Variants in NARF observed in about 807,000 individuals in gnomAD.
The protein encoded by NARF is iron-only hydrogenase-like protein 2.
A neutral mutation model predicts 48.0 loss-of-function variants in NARF; 41 were observed. The ratio of observed to expected loss-of-function variants is 0.85; its 90% confidence interval spans 0.66 to 1.11. The LOEUF (loss-of-function observed/expected upper bound fraction) is 1.11. Among genes scored for constraint, NARF ranks in the 50% least tolerant of loss-of-function variants. The probability of loss-of-function intolerance (pLI) is 0.00; values close to 1 mark genes in which losing one functional copy is unlikely to be tolerated. For synonymous variants in NARF, 215 were observed against 225.5 expected, an observed-to-expected ratio of 0.95 and a Z score of 0.42; for missense variants, 613 against 590.2, an observed-to-expected ratio of 1.04 and a Z score of -0.40.
intron 4 of NARF, among the ~76,000 whole-genome samples, chr17:82,469,987 T>A (rs1402660992): frequency 6.6e-6 from 1 of 152,062 alleles, no homozygotes; most frequent in African/African-American, 2.4e-5. Flanking sequence ...ATCCCAGCAC[T>A]TTGGAAGGCC....
Position 82,472,612 on chromosome 17 carries a change from T to C in NARF, c.434T>C (p.Leu145Pro). 1 of 1,613,746 alleles carries C rather than the reference T, an allele frequency of 6.2e-7. No individual in the cohort carries two copies. Among genetic ancestry groups the C allele is most frequent in the Non-Finnish European group, 8.5e-7 (1 of 1,179,844 alleles). ...ACGATAGCTGCGGATTTTAGTATCC[T>C]GGAGAGTCAAAAAGAATTCGTGCGT... is the stretch of plus-strand genomic sequence containing the variant. Reference protein sequence around the residue: ...DTTIAADFSILESQKEFVRRY... With the variant: ...DTTIAADFSIPESQKEFVRRY... Residue 145 changes from leucine (L) to proline (P), a missense_variant, in exon 5 of 11, where the codon CTG becomes CCG. Coordinates refer to ENST00000309794, the MANE Select transcript of NARF (RefSeq NM_012336.4).
chr17:82,461,503 C>T (rs2043437801), intron 2 of NARF, among the ~76,000 whole-genome samples: 1 of 152,128 alleles, frequency 6.6e-6, no homozygotes, highest in Admixed American at 6.5e-5. Flanking sequence ...CCCAGCTACT[C>T]AGGAGCCTGA....
chr17:82,475,594 A>G (rs550563372), intron 5 of NARF, among the ~76,000 whole-genome samples: 1 of 152,108 alleles, frequency 6.6e-6, no homozygotes, highest in African/African-American at 2.4e-5. Flanking sequence ...AACCCTGTCA[A>G]TCATACATAT....
At chr17:82,473,404 T>C (rs1447141891) in intron 5 of NARF, among the ~76,000 whole-genome samples, 1 of 150,194 alleles carries the variant, frequency 6.7e-6, no homozygotes. Flanking sequence ...AAGCGATTCT[T>C]TTTTTTTTGT....
chr17:82,489,055 C>T lies in NARF; in HGVS notation c.*898C>T, dbSNP rs1226764170. Reference sequence around the variant, plus strand: ...CTGTCAGCCTTTTAGAATCAGGAGACTTACGTACAAATCTGGATTTTCAGC... The same window carrying T: ...CTGTCAGCCTTTTAGAATCAGGAGATTTACGTACAAATCTGGATTTTCAGC... On this transcript the variant is annotated 3_prime_UTR_variant, in exon 11 of 11. Transcript: ENST00000309794. 6.5e-6 allele frequency: 1 copy of T among 153,310 alleles called. No homozygotes were observed. Among genetic ancestry groups the T allele is most frequent in the Non-Finnish European group, 1.5e-5 (1 of 68,568 alleles). 9.5% of individuals were successfully genotyped at this position (153,310 alleles called of 1,614,324 possible).
chr17:82,468,580 A>C (rs1301167974), intron 3 of NARF, 184 bp from the exon 4 acceptor site: 7 of 600,074 alleles, frequency 1.2e-5, no homozygotes, highest in Non-Finnish European at 1.9e-5. Flanking sequence ...CCAGAAGCCC[A>C]AACCTCACCA....
At chr17:82,470,643 C>T (rs1399196849) in intron 4 of NARF, among the ~76,000 whole-genome samples, 4 of 151,948 alleles carry the variant, frequency 2.6e-5, no homozygotes, top group Admixed American at 6.6e-5. Context: ...TACAGGCGCC[C>T]GCCACCACGC....
intron 6 of NARF, 61 bp downstream of exon 6, chr17:82,478,979 C>A: frequency 6.7e-7 from 1 of 1,499,480 alleles, no homozygotes; most frequent in Non-Finnish European, 9.1e-7. Flanking sequence ...GCACAGGGGC[C>A]CAGGAAGGGG....
rs150160796 is a variant in NARF at position 82,487,574 on chromosome 17, T to G, written c.1130-342T>G. 4.0e-3 allele frequency among the ~76,000 whole-genome samples: 602 copies of G among 152,182 alleles called. 7 individuals are homozygous for G. The highest frequency in any genetic ancestry group is 0.017 in the Middle Eastern group (5 of 290). On this transcript the variant is annotated intron_variant, in intron 10 of 10. Transcript: ENST00000309794. ...AGCCTTGAGGAAGACCCTGGCCTGTTCAGCCAGCCCTAGCCTTAGGCCACA... is the reference window on the plus strand; with the variant it reads ...AGCCTTGAGGAAGACCCTGGCCTGTGCAGCCAGCCCTAGCCTTAGGCCACA...
chr17:82,476,431 T>G (rs1160567297), intron 5 of NARF, among the ~76,000 whole-genome samples: 2 of 151,084 alleles, frequency 1.3e-5, no homozygotes, highest in Non-Finnish European at 3.0e-5. Context: ...AGTGAGCCAC[T>G]GTGCCCAGCT....
chr17:82,458,950 G>A (rs2043357636), intron 1 of NARF, 120 bp downstream of exon 1: 2 of 1,226,136 alleles, frequency 1.6e-6, no homozygotes, highest in Non-Finnish European at 2.0e-6. Context: ...AGGCGCCCCC[G>A]GCCTCGGCAC....
intron 5 of NARF, 114 bp downstream of exon 5, chr17:82,472,812 A>G: frequency 7.6e-7 from 1 of 1,318,470 alleles, no homozygotes; most frequent in Non-Finnish European, 1.0e-6. Flanking sequence ...CCAGCCTTGT[A>G]GACCAGGAGG....
At chr17:82,459,153 G>C (rs2043365571) in intron 1 of NARF, 1 of 1,135,730 alleles carries the variant, frequency 8.8e-7, no homozygotes, top group Non-Finnish European at 1.1e-6. Flanking sequence ...GGAATGATCA[G>C]AAGCGTTTCG....
chr17:82,465,986 G>A (rs552393034), intron 3 of NARF, among the ~76,000 whole-genome samples: 63 of 152,326 alleles, frequency 4.1e-4, no homozygotes, highest in African/African-American at 1.4e-3. Context: ...CAGGCTGCCT[G>A]GATAGGATGG....
upstream of NARF, chr17:82,458,652 C>T: frequency 4.9e-6 from 5 of 1,011,698 alleles, no homozygotes; most frequent in Non-Finnish European, 6.7e-6. Flanking sequence ...CTTGTCCTCT[C>T]CCGGTGCTCT....
intron 1 of NARF, chr17:82,459,092 C>T (rs1334696965): frequency 1.7e-6 from 2 of 1,191,850 alleles, no homozygotes; most frequent in Non-Finnish European, 2.1e-6. Flanking sequence ...CGCACGGAGA[C>T]CGAGCCTCTC....
rs1456363271 is a variant in NARF at position 82,484,840 on chromosome 17, G to GA, written c.862dup (p.Thr288AsnfsTer4). 1 of 1,609,096 alleles carries GA rather than the reference G, an allele frequency of 6.2e-7. No homozygotes were observed. The highest frequency in any genetic ancestry group is 1.1e-5 in the South Asian group (1 of 90,514). On this transcript the variant is annotated frameshift_variant, in exon 9 of 11. Transcript: ENST00000309794. LOFTEE classifies it high-confidence loss of function. ...TTGGAGACTTGAAGGAGGACAAAGT[G>GA]ACGCGTCATGATGGAGCCAGCTCAG...
At chr17:82,474,044 G>A (rs2043777602) in intron 5 of NARF, among the ~76,000 whole-genome samples, 1 of 152,062 alleles carries the variant, frequency 6.6e-6, no homozygotes. Context: ...AAAAAGCCAG[G>A]GGTGGTGGCA....
chr17:82,459,588 G>A, intron 1 of NARF: 1 of 181,064 alleles, frequency 5.5e-6, no homozygotes, highest in Non-Finnish European at 1.2e-5. Context: ...TAGAAGGCCA[G>A]GCACGGTGGC....
Sources: gnomAD v4.1 joint callset for allele counts (sites outside exome capture counted in the v4.1 genomes callset) on GRCh38, gnomAD v4.1.1 for gene constraint, MANE v1.5 for transcripts, NCBI Gene and HGNC (gene_info 2026-07-23, HGNC 2026-07-21) for gene names.